The following FOLR1 variants were observed in gnomAD, a reference collection of about 807,000 sequenced individuals.
FOLR1 encodes the protein KB cells FBP.
FOLR1 carries 11 observed loss-of-function variants against 22.8 expected under a neutral mutation model. The ratio of observed to expected loss-of-function variants is 0.48; its 90% CI spans 0.30 to 0.80. The LOEUF (loss-of-function observed/expected upper bound fraction) is 0.80, where lower values mean the gene tolerates loss of function less well. Among genes scored for constraint, FOLR1 ranks in the 30% least tolerant of loss-of-function variants. FOLR1 has a pLI of 0.06. For synonymous variants in FOLR1, 108 were observed against 116.5 expected, an observed-to-expected ratio of 0.93 and a Z score of 0.47; for missense variants, 273 against 320.3, an observed-to-expected ratio of 0.85 and a Z score of 1.13.
intron 1 of FOLR1, among the ~76,000 whole-genome samples, chr11:72,193,276 G>A (rs1440329026): frequency 6.6e-6 from 1 of 151,804 alleles, no homozygotes; most frequent in Non-Finnish European, 1.5e-5. Context: ...GGCAGAGATT[G>A]TAGATCGTGC....
upstream of FOLR1, chr11:72,192,133 C>G (rs1246759262): frequency 6.2e-7 from 1 of 1,613,260 alleles, no homozygotes; most frequent in South Asian, 1.1e-5. Context: ...CCTCCGCATT[C>G]CTTGGTGCCA....
intron 1 of FOLR1, among the ~76,000 whole-genome samples, 179 bp from the exon 2 acceptor site, chr11:72,195,092 G>A (rs1461250947): frequency 6.6e-6 from 1 of 152,140 alleles, no homozygotes; most frequent in Non-Finnish European, 1.5e-5. Context: ...TCCCTTTTGG[G>A]CTCCCACTGT....
intron 1 of FOLR1, among the ~76,000 whole-genome samples, chr11:72,193,075 C>T (rs1948177407): frequency 6.6e-6 from 1 of 152,134 alleles, no homozygotes; most frequent in Non-Finnish European, 1.5e-5. Flanking sequence ...CGGCTCACGC[C>T]TGTAATCCCA....
chr11:72,190,937 C>CACTTT (rs1227687389), upstream of FOLR1, among the ~76,000 whole-genome samples: 1 of 152,170 alleles, frequency 6.6e-6, no homozygotes, highest in East Asian at 1.9e-4. Context: ...AAGGCATGTC[C>CACTTT]ACTTTAGCGA....
At chr11:72,192,931 G>T (rs1342135062) in intron 1 of FOLR1, among the ~76,000 whole-genome samples, 2 of 152,120 alleles carry the variant, frequency 1.3e-5, no homozygotes, top group Admixed American at 6.6e-5. Flanking sequence ...AAAACTTTGG[G>T]CTGTGTCTCT....
chr11:72,195,244 C>T, intron 1 of FOLR1, 27 bp from the exon 2 acceptor site: 1 of 1,610,022 alleles, frequency 6.2e-7, no homozygotes, highest in South Asian at 1.1e-5. Context: ...TGGCTGTGGA[C>T]TGAGTCCTCT....
chr11:72,193,178 AT>A (rs1948178795), intron 1 of FOLR1, among the ~76,000 whole-genome samples: 1 of 152,072 alleles, frequency 6.6e-6, no homozygotes, highest in African/African-American at 2.4e-5. Context: ...CTACTAAAAA[AT>A]AAAAAAAATT....
chr11:72,195,747 G>T lies in FOLR1; in HGVS notation c.493G>T (p.Gly165Trp), dbSNP rs913171756. ...GCACAAGGGCTGGAACTGGACTTCAGGTGAGGGCTGGGGTGGGCAGGAATG... is the reference window on the plus strand; with the variant it reads ...GCACAAGGGCTGGAACTGGACTTCATGTGAGGGCTGGGGTGGGCAGGAATG... Reference protein sequence around the residue: ...NWHKGWNWTSGFNKCAVGAAC... With the variant: ...NWHKGWNWTSWFNKCAVGAAC... Residue 165 changes from glycine to tryptophan, a missense_variant and splice_region_variant, in exon 3 of 4, where the codon GGG (glycine) becomes TGG (tryptophan). Coordinates refer to ENST00000393676, the MANE Select transcript of FOLR1 (RefSeq NM_016729.3). 1.5e-5 allele frequency: 25 copies of T among 1,614,244 alleles called. No homozygotes were observed. Among genetic ancestry groups the T allele is most frequent in the Non-Finnish European group, 2.0e-5 (24 of 1,180,048 alleles).
chr11:72,190,024 G>T (rs559745470), upstream of FOLR1, among the ~76,000 whole-genome samples: 1 of 152,204 alleles, frequency 6.6e-6, no homozygotes, highest in Non-Finnish European at 1.5e-5. Flanking sequence ...CCCCAAGGTT[G>T]GGTGTGGGGG....
At position 72,195,967 on chromosome 11, in the gene FOLR1, G is replaced by T. The variant is rs774348178; in HGVS notation, c.564G>T (p.Leu188=). The stretch of plus-strand genomic sequence containing the variant: ...TCTACTTCCCCACACCCACTGTTCT[G>T]TGCAATGAAATCTGGACTCACTCCT... ...FHFYFPTPTV[L]CNEIWTHSYK... is the part of the protein sequence containing the mutation. Residue 188 remains leucine, a synonymous_variant, in exon 4 of 4, where the codon CTG becomes CTT. Coordinates refer to ENST00000393676, the MANE Select transcript of FOLR1 (RefSeq NM_016729.3). The T allele has an allele frequency of 6.2e-7, 1 of 1,614,198 alleles. No individual in the cohort carries two copies. The highest frequency in any genetic ancestry group is 1.3e-5 in the African/African-American group (1 of 75,060).
chr11:72,191,477 C>T (rs762413042), upstream of FOLR1, among the ~76,000 whole-genome samples: 3 of 152,050 alleles, frequency 2.0e-5, no homozygotes, highest in Non-Finnish European at 2.9e-5. Flanking sequence ...ATTCTCCTGC[C>T]TCAGCCTCCC....
intron 3 of FOLR1, 42 bp from the exon 4 acceptor site, chr11:72,195,855 G>T: frequency 6.2e-7 from 1 of 1,614,148 alleles, no homozygotes; most frequent in Non-Finnish European, 8.5e-7. Flanking sequence ...CCTCAAGATA[G>T]TTCCGGGCCC....
At position 72,195,254 on chromosome 11, in the gene FOLR1, T is replaced by C. The variant is rs758719431; in HGVS notation, c.169-17T>C. The C allele has an allele frequency of 6.2e-7, 1 of 1,613,286 alleles. No homozygotes were observed. Among genetic ancestry groups the C allele is most frequent in the East Asian group, 2.2e-5 (1 of 44,888 alleles). On this transcript the variant is annotated splice_polypyrimidine_tract_variant and intron_variant, in intron 1 of 3. Transcript: ENST00000393676. ...TGTGCTGGCTGTGGACTGAGTCCTC[T>C]GTCTTCCCCCATCCAGTGTCGACCC...
At chr11:72,191,164 C>T (rs1381127346), upstream of FOLR1, among the ~76,000 whole-genome samples, 1 of 152,130 alleles carries the variant, frequency 6.6e-6, no homozygotes, top group Non-Finnish European at 1.5e-5. Flanking sequence ...CCCCAAGGCC[C>T]CAGGGCTGTC....
intron 2 of FOLR1, 42 bp from the exon 3 acceptor site, chr11:72,195,570 A>G (rs1948218068): frequency 6.2e-7 from 1 of 1,613,872 alleles, no homozygotes; most frequent in African/African-American, 1.3e-5. Context: ...AGTTGCTGGG[A>G]TTCTTGAACC....
At chr11:72,195,178 C>G in intron 1 of FOLR1, 93 bp from the exon 2 acceptor site, 1 of 1,257,640 alleles carries the variant, frequency 8.0e-7, no homozygotes, top group Non-Finnish European at 1.2e-6. Flanking sequence ...GCTGGGGAAT[C>G]AAGGACTAAG....
At chr11:72,189,892 G>A (rs1189741303), upstream of FOLR1, 1 of 152,330 alleles carries the variant, frequency 6.6e-6, no homozygotes, top group Non-Finnish European at 1.5e-5. Context: ...GGAGACTGAG[G>A]CCCAGACCAG....
chr11:72,193,071 A>G (rs1228740052), intron 1 of FOLR1, among the ~76,000 whole-genome samples: 1 of 152,144 alleles, frequency 6.6e-6, no homozygotes. Flanking sequence ...GTTACGGCTC[A>G]CGCCTGTAAT....
upstream of FOLR1, among the ~76,000 whole-genome samples, chr11:72,191,216 A>T (rs890923953): frequency 2.0e-5 from 3 of 152,058 alleles, no homozygotes; most frequent in Non-Finnish European, 4.4e-5. Context: ...CTGTGACCCC[A>T]CCCCACCAAG....
Sources: gnomAD v4.1 joint callset for allele counts (sites outside exome capture counted in the v4.1 genomes callset) on GRCh38, gnomAD v4.1.1 for gene constraint, MANE v1.5 for transcripts, NCBI Gene and HGNC (gene_info 2026-07-23, HGNC 2026-07-21) for gene names.